LRP1B: variants seen among roughly 807,000 people sequenced by gnomAD.
LRP1B encodes the protein low-density lipoprotein receptor-related protein 1B.
Under a neutral mutation model 556.6 loss-of-function variants are expected in LRP1B, and 217 were observed. The observed-to-expected ratio is 0.39, with a 90% CI of 0.35 to 0.44. The LOEUF (loss-of-function observed/expected upper bound fraction) is 0.44, where lower values mean the gene tolerates loss of function less well. Among genes scored for constraint, LRP1B ranks in the 20% least tolerant of loss-of-function variants. The probability of loss-of-function intolerance (pLI) is 1.00; values close to 1 mark genes in which losing one functional copy is unlikely to be tolerated. For missense variants in LRP1B, 5,053 were observed against 5,620.8 expected, an observed-to-expected ratio of 0.90 and a Z score of 3.23; for synonymous variants, 2,047 against 1,865.8, an observed-to-expected ratio of 1.10 and a Z score of -2.50.
intron 1 of LRP1B, among the ~76,000 whole-genome samples, chr2:142,081,723 C>T (rs1430925911): frequency 6.6e-6 from 1 of 152,182 alleles, no homozygotes; most frequent in Non-Finnish European, 1.5e-5. Context: ...AAGCGATCCT[C>T]CTGCTTCAGC....
intron 77 of LRP1B, among the ~76,000 whole-genome samples, chr2:140,346,042 A>T (rs1681665645): frequency 6.6e-6 from 1 of 150,812 alleles, no homozygotes; most frequent in Non-Finnish European, 1.5e-5. Flanking sequence ...TTCTGTATTG[A>T]TTTCTTTATG....
chr2:140,522,179 G>A (rs1690209994), intron 49 of LRP1B, among the ~76,000 whole-genome samples: 1 of 152,006 alleles, frequency 6.6e-6, no homozygotes, highest in Admixed American at 6.6e-5. Context: ...AACCACAGGT[G>A]TGGTCATAAA....
chr2:140,509,350 A>T (rs1404532659), intron 52 of LRP1B, among the ~76,000 whole-genome samples: 1 of 152,120 alleles, frequency 6.6e-6, no homozygotes, highest in East Asian at 1.9e-4. Flanking sequence ...ATGCCCTGAA[A>T]ATTTCCTGAG....
At chr2:140,610,141 C>T (rs1157735808) in intron 41 of LRP1B, among the ~76,000 whole-genome samples, 1 of 151,964 alleles carries the variant, frequency 6.6e-6, no homozygotes, top group Non-Finnish European at 1.5e-5. Context: ...ACTTCATTTC[C>T]TCTGTCCCTT....
At chr2:141,162,109 G>A (rs1395283753) in intron 7 of LRP1B, among the ~76,000 whole-genome samples, 2 of 152,018 alleles carry the variant, frequency 1.3e-5, no homozygotes, top group African/African-American at 4.8e-5. Flanking sequence ...AGTAACCTCA[G>A]GCCAGTCTAA....
At chr2:140,743,033 A>G (rs1332708125) in intron 35 of LRP1B, among the ~76,000 whole-genome samples, 1 of 152,164 alleles carries the variant, frequency 6.6e-6, no homozygotes, top group East Asian at 1.9e-4. Context: ...ATTAGTGAAC[A>G]TTTCTATTAT....
intron 3 of LRP1B, among the ~76,000 whole-genome samples, chr2:141,458,686 A>G (rs1276403743): frequency 6.6e-6 from 1 of 152,064 alleles, no homozygotes; most frequent in Non-Finnish European, 1.5e-5. Flanking sequence ...ATCAACTTTT[A>G]GCCAACAGTG....
intron 77 of LRP1B, among the ~76,000 whole-genome samples, chr2:140,346,962 T>C (rs967855501): frequency 1.3e-5 from 2 of 152,012 alleles, no homozygotes; most frequent in Non-Finnish European, 2.9e-5. Context: ...TGATATCTCA[T>C]ATTTACTTTT....
intron 3 of LRP1B, among the ~76,000 whole-genome samples, chr2:141,265,957 C>A (rs1307863091): frequency 2.0e-5 from 3 of 152,136 alleles, no homozygotes; most frequent in African/African-American, 7.2e-5. Flanking sequence ...CGGGTTAGAG[C>A]CATAGAACAG....
chr2:141,706,946 C>T (rs1692164528), intron 2 of LRP1B, among the ~76,000 whole-genome samples: 1 of 152,036 alleles, frequency 6.6e-6, no homozygotes. Context: ...CTTTTATCAG[C>T]CAAGGTATAT....
chr2:140,748,257 A>C (rs1386855569), intron 35 of LRP1B, among the ~76,000 whole-genome samples: 1 of 119,826 alleles, frequency 8.3e-6, no homozygotes, highest in Non-Finnish European at 1.7e-5. Context: ...TCATATATGT[A>C]TATATTTTCA....
At chr2:141,681,588 T>C (rs1166695691) in intron 2 of LRP1B, among the ~76,000 whole-genome samples, 1 of 152,182 alleles carries the variant, frequency 6.6e-6, no homozygotes, top group Non-Finnish European at 1.5e-5. Flanking sequence ...ATATTTGGAT[T>C]TCCTGAAGGT....
chr2:140,317,603 C>T lies in LRP1B; in HGVS notation c.12641-2504G>A, dbSNP rs1684582576. Among the ~76,000 whole-genome samples, 3 of 152,052 alleles carry T rather than the reference C, an allele frequency of 2.0e-5. No individual in the cohort carries two copies. In the South Asian group the frequency reaches 6.2e-4, roughly 31 times the overall value. On this transcript the variant is annotated intron_variant, in intron 82 of 90. Coordinates refer to ENST00000389484, the MANE Select transcript of LRP1B (RefSeq NM_018557.3). ...AGAGATCAAACTCTCAAGAAATACG[C>T]AGAGTGGAAATATGCTTGTTTAATT... is the stretch of plus-strand genomic sequence containing the variant.
chr2:140,862,918 A>T (rs2105144129), intron 27 of LRP1B, among the ~76,000 whole-genome samples: 1 of 152,276 alleles, frequency 6.6e-6, no homozygotes, highest in Admixed American at 6.5e-5. Flanking sequence ...CATATATCTT[A>T]TCCTACACTC....
intron 19 of LRP1B, 90 bp from the exon 20 acceptor site, chr2:140,950,492 G>A: frequency 8.9e-7 from 1 of 1,121,304 alleles, no homozygotes; most frequent in South Asian, 1.6e-5. Flanking sequence ...TGTTGTTGTT[G>A]TTGTTTTTTG....
At chr2:141,424,921 TTATTA>T (rs1680298144) in intron 3 of LRP1B, among the ~76,000 whole-genome samples, 1 of 151,926 alleles carries the variant, frequency 6.6e-6, no homozygotes, top group Admixed American at 6.6e-5. Flanking sequence ...TTTTTCTTTA[TTATTA>T]TTATTATTAT....
At chr2:141,774,974 A>G (rs1695015942) in intron 2 of LRP1B, among the ~76,000 whole-genome samples, 1 of 152,218 alleles carries the variant, frequency 6.6e-6, no homozygotes, top group South Asian at 2.1e-4. Flanking sequence ...TCAAAAATAA[A>G]CCTGATTCTA....
At chr2:142,039,921 A>G (rs1012316258) in intron 1 of LRP1B, among the ~76,000 whole-genome samples, 45 of 150,508 alleles carry the variant, frequency 3.0e-4, no homozygotes, top group African/African-American at 1.1e-3. Flanking sequence ...TCAATTAAGC[A>G]GCACCATTTT....
At chr2:140,540,400 G>T (rs2105014672) in intron 45 of LRP1B, among the ~76,000 whole-genome samples, 1 of 152,182 alleles carries the variant, frequency 6.6e-6, no homozygotes, top group African/African-American at 2.4e-5. Flanking sequence ...AACAGTTTTG[G>T]AAACTTAGCT....
Sources: allele counts gnomAD v4.1 joint callset (sites outside exome capture counted in the v4.1 genomes callset), GRCh38; gene constraint gnomAD v4.1.1; transcripts MANE v1.5; gene names NCBI Gene and HGNC (gene_info 2026-07-23, HGNC 2026-07-21).